Variants in AFG2A observed in about 807,000 individuals in gnomAD.
AFG2A encodes AAA ATPase AFG2A.
the AFG2A span, among the ~76,000 whole-genome samples, chr4:123,063,145 C>G: frequency 2.0e-5 from 3 of 152,046 alleles, no homozygotes; most frequent in Admixed American, 6.5e-5. Flanking sequence ...AAATCTAAAA[C>G]AAAAGGTATT....
chr4:123,218,901 A>C, the AFG2A span, among the ~76,000 whole-genome samples: 3 of 152,250 alleles, frequency 2.0e-5, no homozygotes, highest in Non-Finnish European at 2.9e-5. Context: ...ATACCCTAGC[A>C]TATCTAAATC....
At chr4:123,140,496 G>GTT in the AFG2A span, among the ~76,000 whole-genome samples, 799 of 35,640 alleles carry the variant, frequency 0.022, 3 homozygotes, top group African/African-American at 0.05. Context: ...TAGAGGATAA[G>GTT]GTTTTTTTTT....
chr4:123,246,303 G>T, the AFG2A span, among the ~76,000 whole-genome samples: 10 of 152,156 alleles, frequency 6.6e-5, no homozygotes, highest in Admixed American at 2.0e-4. Flanking sequence ...TATTATTCAT[G>T]TTCTAATTTA....
At chr4:122,970,495 G>A in the AFG2A span, among the ~76,000 whole-genome samples, 561 of 146,282 alleles carry the variant, frequency 3.8e-3, 2 homozygotes, top group African/African-American at 0.013. Flanking sequence ...TTTTTGAGAC[G>A]GAATCTCACT....
the AFG2A span, among the ~76,000 whole-genome samples, chr4:122,985,418 C>T: frequency 2.6e-5 from 4 of 152,178 alleles, no homozygotes; most frequent in Admixed American, 1.3e-4. Context: ...TGTGAGCCAC[C>T]GTGCCTGGCT....
the AFG2A span, among the ~76,000 whole-genome samples, chr4:123,251,625 T>C: frequency 2.0e-5 from 3 of 152,126 alleles, no homozygotes; most frequent in Admixed American, 2.0e-4. Flanking sequence ...CCTTAAGTGC[T>C]ATATAAATAT....
At chr4:123,266,298 A>G in the AFG2A span, among the ~76,000 whole-genome samples, 3 of 151,992 alleles carry the variant, frequency 2.0e-5, 1 homozygote, top group Non-Finnish European at 4.4e-5. Context: ...CTTTTTATTC[A>G]TATGTAAATA....
chr4:123,256,088 A>C, the AFG2A span: 1 of 1,614,124 alleles, frequency 6.2e-7, no homozygotes, highest in Non-Finnish European at 8.5e-7. Flanking sequence ...AAGAAGGGAA[A>C]TATTTAAGCT....
chr4:123,132,992 G>C, the AFG2A span, among the ~76,000 whole-genome samples: 1 of 152,098 alleles, frequency 6.6e-6, no homozygotes, highest in African/African-American at 2.4e-5. Flanking sequence ...GTGTTAGCCA[G>C]GATGGTCTCG....
the AFG2A span, chr4:123,314,243 C>T: frequency 4.7e-6 from 2 of 421,276 alleles, no homozygotes; most frequent in African/African-American, 2.0e-5. Flanking sequence ...GTGAAAATAT[C>T]TCTGAGCATA....
chr4:122,934,360 G>C, the AFG2A span: 1 of 1,614,180 alleles, frequency 6.2e-7, no homozygotes, highest in East Asian at 2.2e-5. Context: ...TAAACCAATT[G>C]ATGACAGAAT....
the AFG2A span, among the ~76,000 whole-genome samples, chr4:123,017,814 T>C: frequency 1.3e-3 from 198 of 152,288 alleles, 1 homozygote; most frequent in Non-Finnish European, 2.2e-3. Context: ...CATGGCATTT[T>C]CTCTAAAATA....
the AFG2A span, among the ~76,000 whole-genome samples, chr4:123,119,955 A>G: frequency 3.3e-5 from 5 of 152,204 alleles, no homozygotes; most frequent in African/African-American, 1.2e-4. Context: ...AACTTATAAA[A>G]CCATCAGATC....
chr4:123,012,774 T>C, the AFG2A span, among the ~76,000 whole-genome samples: 4 of 151,572 alleles, frequency 2.6e-5, no homozygotes, highest in East Asian at 1.9e-4. Context: ...GTGAGAGAGG[T>C]TGGAGAAGAG....
the AFG2A span, among the ~76,000 whole-genome samples, chr4:123,306,291 T>A: frequency 6.6e-6 from 1 of 152,202 alleles, no homozygotes; most frequent in South Asian, 2.1e-4. Context: ...CTTTGTTGTT[T>A]TATGTTTTTG....
chr4:123,284,406 T>C, the AFG2A span, among the ~76,000 whole-genome samples: 1 of 152,238 alleles, frequency 6.6e-6, no homozygotes, highest in African/African-American at 2.4e-5. Context: ...TTAGGCCCAG[T>C]ATTTGATTTA....
chr4:123,267,386 G>T, the AFG2A span, among the ~76,000 whole-genome samples: 3 of 151,908 alleles, frequency 2.0e-5, no homozygotes, highest in Non-Finnish European at 4.4e-5. Context: ...TGGAAAATGG[G>T]TTTTGCTTTT....
the AFG2A span, among the ~76,000 whole-genome samples, chr4:123,133,996 G>C: frequency 8.9e-4 from 135 of 152,234 alleles, 1 homozygote; most frequent in African/African-American, 3.2e-3. Flanking sequence ...TGAGTAGTTT[G>C]AGTTCCTTGT....
At chr4:123,090,757 A>AT in the AFG2A span, 3 of 1,579,324 alleles carry the variant, frequency 1.9e-6, no homozygotes, top group East Asian at 6.8e-5. Context: ...GGCTTGTTTG[A>AT]TTTTATCAGG....
Sources: allele counts gnomAD v4.1 joint callset (sites outside exome capture counted in the v4.1 genomes callset), GRCh38; gene constraint gnomAD v4.1.1; transcripts MANE v1.5; gene names NCBI Gene and HGNC (gene_info 2026-07-23, HGNC 2026-07-21).